LIMA1: variants seen among roughly 807,000 people sequenced by gnomAD.
The protein encoded by LIMA1 is LIM domain and actin binding 1, also known as LIM domain and actin-binding protein 1.
In LIMA1, 52 loss-of-function variants were observed where a neutral mutation model predicts 62.6. The ratio of observed to expected loss-of-function variants is 0.83; its 90% CI spans 0.67 to 1.05. The LOEUF (loss-of-function observed/expected upper bound fraction) is 1.05, where lower values mean the gene tolerates loss of function less well. Among genes scored for constraint, LIMA1 ranks in the 50% least tolerant of loss-of-function variants. The pLI is 0.00. For synonymous variants in LIMA1, 302 were observed against 317.8 expected (o/e 0.95, Z 0.53); for missense variants, 780 against 902.2 (o/e 0.86, Z 1.74).
intron 7 of LIMA1, among the ~76,000 whole-genome samples, chr12:50,198,819 T>G (rs923947956): frequency 2.0e-5 from 3 of 152,224 alleles, no homozygotes; most frequent in African/African-American, 7.2e-5. Context: ...ATAATTCCCC[T>G]GACATAAATA....
chr12:50,247,438 A>G (rs1342070103), intron 2 of LIMA1, among the ~76,000 whole-genome samples: 1 of 151,594 alleles, frequency 6.6e-6, no homozygotes, highest in Non-Finnish European at 1.5e-5. Flanking sequence ...AGGTGTTCCT[A>G]CCATGGCCCC....
Position 50,248,716 on chromosome 12 carries a change from G to T in LIMA1, c.36C>A (p.Thr12=). Residue 12 remains threonine, a synonymous_variant, in exon 2 of 11, where the codon ACC becomes ACA. Coordinates refer to ENST00000341247, the MANE Select transcript of LIMA1 (RefSeq NM_016357.5). ...ESSPFNRRQW[T]SLSLRVTAKE... is the part of the protein sequence containing the mutation. ...TGGCTGTTACCCTCAATGATAGTGAGGTCCATTGCCGTCTATTAAATGGAG... is the reference window on the plus strand; with the variant it reads ...TGGCTGTTACCCTCAATGATAGTGATGTCCATTGCCGTCTATTAAATGGAG... The T allele has an allele frequency of 6.2e-7, 1 of 1,612,662 alleles. No individual in the cohort carries two copies. Among genetic ancestry groups the T allele is most frequent in the Non-Finnish European group, 8.5e-7 (1 of 1,178,680 alleles).
In LIMA1 at chr12:50,241,470, T is replaced by A. The variant is rs183562499; in HGVS notation, c.119+7163A>T. Among the ~76,000 whole-genome samples the A allele has an allele frequency of 6.2e-4, 95 of 152,252 alleles. 2 individuals are homozygous for A. Among genetic ancestry groups the A allele is most frequent in the African/African-American group, 2.2e-3 (93 of 41,558 alleles). ...AGGTTCCCTTCCCTTTAGTGTCTAA[T>A]AGAAACATAGATTAAAAAAAAATCA... On this transcript the variant is annotated intron_variant, in intron 2 of 10. Transcript: ENST00000341247.
chr12:50,218,430 C>A (rs1941385618), intron 4 of LIMA1: 2 of 152,188 alleles, frequency 1.3e-5, no homozygotes, highest in Admixed American at 6.5e-5. Flanking sequence ...TACCCCAAAT[C>A]CACATTCTGC....
chr12:50,257,768 A>G (rs952301787), intron 1 of LIMA1, among the ~76,000 whole-genome samples: 3 of 152,208 alleles, frequency 2.0e-5, no homozygotes, highest in Non-Finnish European at 2.9e-5. Context: ...GGTCTCAAGT[A>G]GTAACAGTAG....
chr12:50,214,859 T>C (rs551368194), intron 4 of LIMA1, among the ~76,000 whole-genome samples: 1 of 152,348 alleles, frequency 6.6e-6, no homozygotes, highest in South Asian at 2.1e-4. Flanking sequence ...TGTATTCTTC[T>C]TGGGATATAA....
intron 9 of LIMA1, among the ~76,000 whole-genome samples, chr12:50,184,924 C>A (rs536895820): frequency 2.0e-5 from 3 of 152,020 alleles, no homozygotes; most frequent in Admixed American, 6.6e-5. Context: ...CTCCACCTTC[C>A]GGGTTCAAGC....
rs769001575 is a variant in LIMA1 at position 50,248,732 on chromosome 12, T to G, written c.20A>C (p.Asn7Thr). 42 of 1,606,560 alleles carry G rather than the reference T, an allele frequency of 2.6e-5. No individual in the cohort carries two copies. The highest frequency in any genetic ancestry group is 3.5e-5 in the Non-Finnish European group (41 of 1,173,082). The change falls in exon 2 of 11, where the codon AAT (asparagine) becomes ACT (threonine). Residue 7 changes from asparagine to threonine, a missense_variant. Physicochemically the swap from Asn to Thr is moderately conservative, Grantham distance 65 (BLOSUM62 0). Coordinates refer to ENST00000341247, the MANE Select transcript of LIMA1 (RefSeq NM_016357.5). Reference sequence around the variant, plus strand: ...TGATAGTGAGGTCCATTGCCGTCTATTAAATGGAGATGATTCCATCTTGTC... The same window carrying G: ...TGATAGTGAGGTCCATTGCCGTCTAGTAAATGGAGATGATTCCATCTTGTC... MESSPF[N>T]RRQWTSLSLR...
intron 6 of LIMA1, chr12:50,201,688 G>A (rs1298620567): frequency 1.4e-5 from 3 of 207,964 alleles, no homozygotes; most frequent in Non-Finnish European, 2.5e-5. Context: ...CCTGAGGTCA[G>A]GAGTTCAAGA....
intron 3 of LIMA1, among the ~76,000 whole-genome samples, chr12:50,223,096 T>A (rs945087723): frequency 6.6e-6 from 1 of 152,196 alleles, no homozygotes; most frequent in Admixed American, 6.5e-5. Flanking sequence ...CTGACATAAT[T>A]TACATGCATA....
At chr12:50,269,565 G>A (rs994324075) in intron 1 of LIMA1, among the ~76,000 whole-genome samples, 2 of 152,110 alleles carry the variant, frequency 1.3e-5, no homozygotes, top group Non-Finnish European at 2.9e-5. Context: ...TCTGATCAAA[G>A]ACCTGACACC....
rs377698562 is a variant in LIMA1 at position 50,268,012 on chromosome 12, T to C, written c.-24+15408A>G. Among the ~76,000 whole-genome samples, 56 of 152,318 alleles carry C rather than the reference T, an allele frequency of 3.7e-4. No individual in the cohort carries two copies. The South Asian group carries it at 0.011, about 31-fold the overall frequency. ...TTTATTATCTCTACAACTTACTTTT[T>C]TTTAAATTATACAAGGACTTTCTGA... is the stretch of plus-strand genomic sequence containing the variant. On this transcript the variant is annotated intron_variant, in intron 1 of 10. Transcript: ENST00000341247.
intron 1 of LIMA1, among the ~76,000 whole-genome samples, chr12:50,257,322 T>C (rs1306985083): frequency 6.6e-6 from 1 of 152,144 alleles, no homozygotes; most frequent in Non-Finnish European, 1.5e-5. Flanking sequence ...TGGTCTCAAA[T>C]TCCTGAGCTC....
At chr12:50,255,623 A>C (rs1941986569) in intron 1 of LIMA1, among the ~76,000 whole-genome samples, 1 of 151,700 alleles carries the variant, frequency 6.6e-6, no homozygotes, top group African/African-American at 2.4e-5. Flanking sequence ...AAAGAAAAGA[A>C]AAACATTATT....
intron 1 of LIMA1, among the ~76,000 whole-genome samples, chr12:50,278,500 T>A (rs1942301147): frequency 6.6e-6 from 1 of 152,176 alleles, no homozygotes; most frequent in Admixed American, 6.5e-5. Context: ...CAGTTGAGAA[T>A]GTTAATTAGT....
At chr12:50,227,241 T>TTC (rs1265282847) in intron 3 of LIMA1, among the ~76,000 whole-genome samples, 1 of 82,258 alleles carries the variant, frequency 1.2e-5, no homozygotes, top group East Asian at 1.5e-3. Context: ...TCTTTTCTTT[T>TTC]TTTTTTTTTT....
At chr12:50,269,928 A>T (rs1265713558) in intron 1 of LIMA1, among the ~76,000 whole-genome samples, 2 of 149,546 alleles carry the variant, frequency 1.3e-5, no homozygotes, top group African/African-American at 2.5e-5. Context: ...CAAATAAAAA[A>T]AAAAAAAAAA....
chr12:50,218,174 G>C (rs1447621850), intron 4 of LIMA1: 1 of 152,400 alleles, frequency 6.6e-6, no homozygotes, highest in African/African-American at 2.4e-5. Flanking sequence ...CAAAGTGCTG[G>C]GATTACAGGC....
At position 50,176,497 on chromosome 12, in the gene LIMA1, G is replaced by A. The variant is rs1197028921; in HGVS notation, c.*567C>T. On this transcript the variant is annotated 3_prime_UTR_variant, in exon 11 of 11. Coordinates refer to ENST00000341247, the MANE Select transcript of LIMA1 (RefSeq NM_016357.5). The stretch of plus-strand genomic sequence containing the variant: ...GTTCAGGATGTAGTTTAGAGAGCAG[G>A]ACATAAAGTAGTAAATTCCTCATAT... 1 of 152,374 alleles carries A rather than the reference G, an allele frequency of 6.6e-6. No individual in the cohort carries two copies. The highest frequency in any genetic ancestry group is 6.6e-5 in the Admixed American group (1 of 15,254). 9.4% of individuals were successfully genotyped at this position (152,374 alleles called of 1,614,324 possible). A position where few individuals can be genotyped will look rare whatever the true frequency, so the allele number is the denominator to read the frequency against.
Sources: gnomAD v4.1 joint callset for allele counts (sites outside exome capture counted in the v4.1 genomes callset) on GRCh38, gnomAD v4.1.1 for gene constraint, MANE v1.5 for transcripts, NCBI Gene and HGNC (gene_info 2026-07-23, HGNC 2026-07-21) for gene names.